Variants in NUMA1 observed in about 807,000 individuals in gnomAD.
The protein encoded by NUMA1 is nuclear mitotic apparatus protein 1.
In NUMA1, 62 loss-of-function variants were observed where a neutral mutation model predicts 237.1. The observed-to-expected ratio is 0.26, with a 90% CI of 0.21 to 0.32. NUMA1 has a LOEUF of 0.32. Among genes scored for constraint, NUMA1 ranks in the 10% least tolerant of loss-of-function variants. The probability of loss-of-function intolerance (pLI) is 1.00; values close to 1 mark genes in which losing one functional copy is unlikely to be tolerated. For synonymous variants in NUMA1, 1,028 were observed against 1,066.1 expected (o/e 0.96, Z 0.70); for missense variants, 2,533 against 2,666.5 (o/e 0.95, Z 1.10).
At position 72,003,936 on chromosome 11, in the gene NUMA1, C is replaced by T. The variant is rs752846092; in HGVS notation, c.6287G>A (p.Ser2096Asn). ...ACCAATGGCGGCAGCAGTGGCGGCG[C>T]TGGCTGTGGTGGTGGCAATGCGCGG... The part of the protein sequence containing the change: ...RSPRIATTTA[S>N]AATAAAIGAT... The change falls in exon 26 of 27, where the codon AGC (serine) becomes AAC (asparagine). Residue 2096 changes from serine to asparagine, a missense_variant. Physicochemically the swap from Ser to Asn is conservative, Grantham distance 46 (BLOSUM62 1). Coordinates refer to ENST00000393695, the MANE Select transcript of NUMA1 (RefSeq NM_006185.4). 1.2e-6 allele frequency: 2 copies of T among 1,613,448 alleles called. No homozygotes were observed. The highest frequency in any genetic ancestry group is 2.2e-5 in the South Asian group (2 of 91,062).
At chr11:72,036,001 C>T in intron 2 of NUMA1, 26 bp from the exon 3 acceptor site, 2 of 1,544,230 alleles carry the variant, frequency 1.3e-6, no homozygotes, top group Non-Finnish European at 1.8e-6. Context: ...GGAAGAAAAG[C>T]AGTTAATCAT....
chr11:72,019,626 A>G lies in NUMA1; in HGVS notation c.461-9T>C. ...GGTAGAAGGCACAGGAGCTGGGGGT[A>G]AGAAATAGACAAAATAAATCAACAA... On this transcript the variant is annotated splice_polypyrimidine_tract_variant and intron_variant, in intron 8 of 26. Coordinates refer to ENST00000393695, the MANE Select transcript of NUMA1 (RefSeq NM_006185.4). 1 of 1,611,578 alleles carries G rather than the reference A, an allele frequency of 6.2e-7. No homozygotes were observed. Among genetic ancestry groups the G allele is most frequent in the South Asian group, 1.1e-5 (1 of 90,822 alleles).
chr11:72,003,677 C>A, intron 26 of NUMA1, 139 bp from the exon 27 acceptor site: 1 of 1,198,032 alleles, frequency 8.3e-7, no homozygotes, highest in Non-Finnish European at 1.2e-6. Context: ...CAGTTGCTGG[C>A]TGTGCCTGAG....
intron 2 of NUMA1, among the ~76,000 whole-genome samples, chr11:72,043,844 G>C (rs1434342446): frequency 1.3e-5 from 2 of 152,148 alleles, no homozygotes; most frequent in Non-Finnish European, 2.9e-5. Flanking sequence ...CAGGAGGCTA[G>C]GGTGGGAGAA....
chr11:72,008,771 C>T lies in NUMA1; in HGVS notation c.5133G>A (p.Glu1711=), dbSNP rs777619697. The change falls in exon 20 of 27, where the codon GAG becomes GAA. Residue 1711 remains glutamate (E), a synonymous_variant. Coordinates refer to ENST00000393695, the MANE Select transcript of NUMA1 (RefSeq NM_006185.4). Reference sequence around the variant, plus strand: ...AGTCCAGCTGGGGCTTAGCCTGGGGCTCACGGCTCTTTAAAGCATCAGTTG... The same window carrying T: ...AGTCCAGCTGGGGCTTAGCCTGGGGTTCACGGCTCTTTAAAGCATCAGTTG... ...QVATDALKSR[E]PQAKPQLDLS... The T allele has an allele frequency of 9.9e-6, 16 of 1,614,014 alleles. No homozygotes were observed. The Admixed American group carries it at 2.7e-4, about 27-fold the overall frequency.
chr11:72,005,449 TG>T, intron 22 of NUMA1, 80 bp from the exon 23 acceptor site: 1 of 1,376,860 alleles, frequency 7.3e-7, no homozygotes, highest in Admixed American at 2.0e-5. Context: ...TGCCAGCCTT[TG>T]CTGCCACCTA....
At chr11:72,050,723 C>G (rs1942288858) in intron 2 of NUMA1, 1 of 152,214 alleles carries the variant, frequency 6.6e-6, no homozygotes, top group Admixed American at 6.5e-5. Flanking sequence ...CTTCTAAATC[C>G]AGTGCTCTCT....
At chr11:72,007,952 G>A (rs1049622899) in intron 20 of NUMA1, 3 of 376,090 alleles carry the variant, frequency 8.0e-6, no homozygotes, top group Non-Finnish European at 1.6e-5. Context: ...ACTGACAGAG[G>A]AAGATGAGTG....
chr11:72,012,230 C>A, intron 16 of NUMA1, 171 bp downstream of exon 16: 1 of 647,100 alleles, frequency 1.5e-6, no homozygotes, highest in Non-Finnish European at 2.7e-6. Context: ...CTGAGAGAGC[C>A]CAGCACACCA....
chr11:72,009,794 A>T (rs1227062600), intron 17 of NUMA1, among the ~76,000 whole-genome samples: 2 of 152,144 alleles, frequency 1.3e-5, no homozygotes. Context: ...CCTCAAAGCC[A>T]CTCTGAGAAG....
rs1955614322 is a variant in NUMA1 at position 72,005,320 on chromosome 11, C to T, written c.5742G>A (p.Leu1914=). 2 of 1,608,130 alleles carry T rather than the reference C, an allele frequency of 1.2e-6. No homozygotes were observed. The highest frequency in any genetic ancestry group is 1.3e-5 in the African/African-American group (1 of 74,450). ...MGTCQDEPEQ[L]DDWNRIAELQ... ...GCTCTGCAATGCGGTTCCAGTCATC[C>T]AGCTGCTCAGGCTCATCCTGGCAAG... The change falls in exon 23 of 27, where the codon CTG becomes CTA. Residue 1914 remains leucine, a synonymous_variant. Coordinates refer to ENST00000393695, the MANE Select transcript of NUMA1 (RefSeq NM_006185.4).
intron 16 of NUMA1, among the ~76,000 whole-genome samples, chr11:72,011,723 T>C (rs932727255): frequency 6.6e-6 from 1 of 152,084 alleles, no homozygotes. Flanking sequence ...ACCAGCTCTA[T>C]AGCCTCGATG....
intron 2 of NUMA1, among the ~76,000 whole-genome samples, chr11:72,053,527 G>C (rs925332073): frequency 1.3e-5 from 2 of 152,210 alleles, no homozygotes; most frequent in Non-Finnish European, 2.9e-5. Context: ...CACAGAAGAA[G>C]ACAGTTTGAA....
In NUMA1 at chr11:72,013,266, G is replaced by A. The variant is rs746214680; in HGVS notation, c.4237C>T (p.Arg1413Trp). Residue 1413 changes from arginine (R) to tryptophan (W), a missense_variant, in exon 15 of 27, where the codon CGG (arginine) becomes TGG (tryptophan). By Grantham distance (101) the Arg-to-Trp change is moderately radical. This residue lies in a region of NUMA1 where 324 missense variants were observed against 407.6 expected (regional missense o/e 0.79). Transcript: ENST00000393695. This position sits in a 1 kb window ranked among gnomAD's most constrained non-coding sequence, Gnocchi z 6.8. ...CGCTCCTGCTCTGCCACCTTCTGCCGCAGAGGAATCAGCTCCCCAAGCTCC... is the reference window on the plus strand; with the variant it reads ...CGCTCCTGCTCTGCCACCTTCTGCCACAGAGGAATCAGCTCCCCAAGCTCC... ...QRELGELIPL[R>W]QKVAEQERTA... is the part of the protein sequence containing the mutation. The A allele has an allele frequency of 3.7e-6, 6 of 1,604,638 alleles. No homozygotes were observed. The highest frequency in any genetic ancestry group is 1.3e-5 in the African/African-American group (1 of 74,918).
chr11:72,057,583 A>G (rs550861860), intron 2 of NUMA1, among the ~76,000 whole-genome samples: 1 of 150,788 alleles, frequency 6.6e-6, no homozygotes, highest in African/African-American at 2.4e-5. Context: ...ATCTCTACTA[A>G]AAATACAAAA....
At chr11:72,007,691 T>C (rs1049300908) in intron 20 of NUMA1, 2 of 535,432 alleles carry the variant, frequency 3.7e-6, no homozygotes, top group Non-Finnish European at 6.6e-6. Context: ...CAGATGCCCA[T>C]GGCTGCTTCA....
intron 2 of NUMA1, among the ~76,000 whole-genome samples, chr11:72,036,484 G>C (rs563480697): frequency 6.6e-6 from 1 of 152,208 alleles, no homozygotes; most frequent in Non-Finnish European, 1.5e-5. Flanking sequence ...CACATGGTAG[G>C]TTGTCAATAA....
chr11:72,007,720 C>T, intron 20 of NUMA1: 1 of 475,526 alleles, frequency 2.1e-6, no homozygotes, highest in Non-Finnish European at 3.8e-6. Context: ...ACGTCCCAAT[C>T]TAAGCCCACT....
At chr11:72,045,314 AG>A (rs1278354900) in intron 2 of NUMA1, among the ~76,000 whole-genome samples, 1 of 151,794 alleles carries the variant, frequency 6.6e-6, no homozygotes, top group African/African-American at 2.4e-5. Context: ...TGCTTCTTCC[AG>A]GCCCTGTAAG....
Sources: allele counts gnomAD v4.1 joint callset (sites outside exome capture counted in the v4.1 genomes callset), GRCh38; gene constraint gnomAD v4.1.1; regional missense constraint gnomAD v4.1.1; non-coding constraint Gnocchi (gnomAD v3.1); transcripts MANE v1.5; gene names NCBI Gene and HGNC (gene_info 2026-07-23, HGNC 2026-07-21).